TBC1D19: variants seen among roughly 807,000 people sequenced by gnomAD.
The protein encoded by TBC1D19 is TBC1 domain family member 19, also known as TBC1 domain family, member 19.
A neutral mutation model predicts 89.0 loss-of-function variants in TBC1D19; 60 were observed. The observed-to-expected ratio is 0.67, with a 90% CI of 0.55 to 0.84. The LOEUF is 0.84. TBC1D19 is among the 40% of genes least tolerant of loss of function. TBC1D19 has a pLI of 0.00. For synonymous variants in TBC1D19, 189 were observed against 199.7 expected, an observed-to-expected ratio of 0.95 and a Z score of 0.45; for missense variants, 500 against 610.8, an observed-to-expected ratio of 0.82 and a Z score of 1.91.
intron 1 of TBC1D19, among the ~76,000 whole-genome samples, chr4:26,586,105 A>G (rs1489596434): frequency 1.3e-5 from 2 of 149,194 alleles, no homozygotes; most frequent in Non-Finnish European, 3.0e-5. Flanking sequence ...CTGTGATCCT[A>G]AATGTAGAAG....
At chr4:26,843,266 C>A in the TBC1D19 span, among the ~76,000 whole-genome samples, 1 of 152,144 alleles carries the variant, frequency 6.6e-6, no homozygotes, top group Non-Finnish European at 1.5e-5. Flanking sequence ...GGTTAAGGTC[C>A]ATACATATCA....
intron 19 of TBC1D19, among the ~76,000 whole-genome samples, chr4:26,753,343 C>CATT (rs1315043800): frequency 6.6e-6 from 1 of 152,032 alleles, no homozygotes; most frequent in African/African-American, 2.4e-5. Flanking sequence ...GTAAGACAGT[C>CATT]ATTAGGCCAG....
the TBC1D19 span, among the ~76,000 whole-genome samples, chr4:26,842,620 CTTTCTTTCTTTCTTTCTTTCTTTCTTTT>C: frequency 1.6e-5 from 2 of 125,448 alleles, no homozygotes; most frequent in African/African-American, 6.0e-5. Context: ...TTCTTTCTTT[CTTTCTTTCTTTCTTTCTTTCTTTCTTTT>C]TCTTTCTTCT....
intron 8 of TBC1D19, among the ~76,000 whole-genome samples, chr4:26,664,798 T>C (rs1000761661): frequency 6.6e-6 from 1 of 152,158 alleles, no homozygotes; most frequent in African/African-American, 2.4e-5. Context: ...TTTGACTATT[T>C]CTTTACCTCC....
chr4:26,707,758 AC>A lies in TBC1D19; in HGVS notation c.955-10173del, dbSNP rs573410184. Among the ~76,000 whole-genome samples, 272 of 151,978 alleles carry A rather than the reference AC, an allele frequency of 1.8e-3. 5 individuals carry two copies. Among genetic ancestry groups the A allele is most frequent in the Non-Finnish European group, 1.5e-3 (104 of 67,890 alleles). ...CTTCCCGTGAGGATTATATTTAACA[AC>A]CTAAAATTGTAACACTCTAGTTTAA... On this transcript the variant is annotated intron_variant, in intron 13 of 20. Transcript: ENST00000264866.
At chr4:26,604,870 C>A (rs1032196126) in intron 1 of TBC1D19, among the ~76,000 whole-genome samples, 1 of 135,190 alleles carries the variant, frequency 7.4e-6, no homozygotes, top group Non-Finnish European at 1.6e-5. Context: ...GGCGACAGAG[C>A]GAGAATCCAT....
intron 13 of TBC1D19, among the ~76,000 whole-genome samples, chr4:26,710,236 G>A (rs1045996152): frequency 1.3e-5 from 2 of 151,808 alleles, no homozygotes; most frequent in African/African-American, 2.4e-5. Flanking sequence ...CTGTGTCCAT[G>A]TGTTCTCATT....
At chr4:26,843,339 C>T in the TBC1D19 span, among the ~76,000 whole-genome samples, 4 of 152,002 alleles carry the variant, frequency 2.6e-5, no homozygotes, top group Non-Finnish European at 4.4e-5. Flanking sequence ...CATTTCATTA[C>T]GACTCTTCTA....
Position 26,740,635 on chromosome 4 carries a change from C to T in TBC1D19, c.1227+662C>T, listed in dbSNP as rs1432182689. On this transcript the variant is annotated intron_variant, in intron 17 of 20. Coordinates refer to ENST00000264866, the MANE Select transcript of TBC1D19 (RefSeq NM_018317.4). ...GTTCCTTTATCATATCTTTTTTTTC[C>T]CTTCCCATAAACCTGACTAAGAGCA... is the stretch of plus-strand genomic sequence containing the variant. 12 of 984,088 alleles carry T rather than the reference C, an allele frequency of 1.2e-5. No individual in the cohort carries two copies. In the African/African-American group the frequency reaches 1.9e-4, roughly 16 times the overall value. 61.0% of individuals were successfully genotyped at this position (984,088 alleles called of 1,614,324 possible).
intron 7 of TBC1D19, among the ~76,000 whole-genome samples, chr4:26,656,141 A>G (rs532500284): frequency 6.6e-6 from 1 of 152,268 alleles, no homozygotes; most frequent in African/African-American, 2.4e-5. Flanking sequence ...AAGCATATGT[A>G]AGAATAAAAT....
intron 15 of TBC1D19, among the ~76,000 whole-genome samples, chr4:26,721,125 G>A (rs1716946513): frequency 6.6e-6 from 1 of 150,918 alleles, no homozygotes; most frequent in South Asian, 2.1e-4. Flanking sequence ...TTTTATCTAG[G>A]GGCTGCCATT....
At chr4:26,819,747 T>C in the TBC1D19 span, among the ~76,000 whole-genome samples, 1 of 152,200 alleles carries the variant, frequency 6.6e-6, no homozygotes, top group Admixed American at 6.5e-5. Flanking sequence ...CATGAGGCCC[T>C]ACCCAGTATG....
the TBC1D19 span, among the ~76,000 whole-genome samples, chr4:26,808,840 G>T: frequency 1.3e-5 from 2 of 152,008 alleles, no homozygotes; most frequent in African/African-American, 4.8e-5. Flanking sequence ...TTTCAAAGAT[G>T]TCATAGTAAA....
At chr4:26,824,609 C>G in the TBC1D19 span, among the ~76,000 whole-genome samples, 1 of 152,022 alleles carries the variant, frequency 6.6e-6, no homozygotes, top group Admixed American at 6.6e-5. Context: ...AACATAGTTT[C>G]CACATTATAT....
intron 1 of TBC1D19, among the ~76,000 whole-genome samples, chr4:26,593,813 TG>T (rs1739999894): frequency 6.6e-6 from 1 of 152,180 alleles, no homozygotes; most frequent in Non-Finnish European, 1.5e-5. Context: ...CCAGTTAGAA[TG>T]GCGATCATTA....
intron 1 of TBC1D19, among the ~76,000 whole-genome samples, chr4:26,586,390 A>T (rs1343614657): frequency 6.6e-6 from 1 of 152,120 alleles, no homozygotes; most frequent in African/African-American, 2.4e-5. Flanking sequence ...GTAAGCCTTG[A>T]GATCAAAGTC....
At chr4:26,719,895 A>G (rs1716866549) in intron 14 of TBC1D19, among the ~76,000 whole-genome samples, 186 bp from the exon 15 acceptor site, 1 of 152,072 alleles carries the variant, frequency 6.6e-6, no homozygotes, top group African/African-American at 2.4e-5. Context: ...ACTTTAATTG[A>G]TGAAAGGGTT....
At chr4:26,622,691 T>A (rs867664966) in intron 4 of TBC1D19, among the ~76,000 whole-genome samples, 18 of 152,224 alleles carry the variant, frequency 1.2e-4, no homozygotes, top group African/African-American at 3.9e-4. Context: ...ACATGAAAAC[T>A]ATATGAATCA....
At chr4:26,706,990 T>C (rs1715787478) in intron 13 of TBC1D19, among the ~76,000 whole-genome samples, 1 of 152,112 alleles carries the variant, frequency 6.6e-6, no homozygotes, top group Non-Finnish European at 1.5e-5. Flanking sequence ...TTACATGGAA[T>C]GTGTATGCTG....
Sources: allele counts gnomAD v4.1 joint callset (sites outside exome capture counted in the v4.1 genomes callset), GRCh38; gene constraint gnomAD v4.1.1; transcripts MANE v1.5; gene names NCBI Gene and HGNC (gene_info 2026-07-23, HGNC 2026-07-21).